MSRA: variants seen among roughly 807,000 people sequenced by gnomAD.
The protein encoded by MSRA is mitochondrial peptide methionine sulfoxide reductase.
MSRA carries 54 observed loss-of-function variants against 31.3 expected under a neutral mutation model. The ratio of observed to expected loss-of-function variants is 1.73; its 90% CI spans 1.39 to 2.17. The LOEUF is 2.17. Among genes scored for constraint, MSRA ranks in the 30% most tolerant of loss-of-function variants. The probability of loss-of-function intolerance (pLI) is 0.00; values close to 1 mark genes in which losing one functional copy is unlikely to be tolerated. For synonymous variants in MSRA, 169 were observed against 116.5 expected, an observed-to-expected ratio of 1.45 and a Z score of -2.90; for missense variants, 507 against 300.9, an observed-to-expected ratio of 1.69 and a Z score of -5.07.
At chr8:10,413,942 ATTGT>A (rs1289726611) in intron 5 of MSRA, among the ~76,000 whole-genome samples, 9 of 152,164 alleles carry the variant, frequency 5.9e-5, no homozygotes, top group Admixed American at 2.0e-4. Flanking sequence ...AGGCAGGAGG[ATTGT>A]TTGAGCCCAG....
At chr8:10,205,778 T>C (rs562716984) in intron 1 of MSRA, among the ~76,000 whole-genome samples, 1 of 152,364 alleles carries the variant, frequency 6.6e-6, no homozygotes, top group Admixed American at 6.5e-5. Flanking sequence ...ACATAAATAT[T>C]CATATTTTAA....
chr8:10,066,822 G>A (rs1321273488), intron 1 of MSRA, among the ~76,000 whole-genome samples: 1 of 151,568 alleles, frequency 6.6e-6, no homozygotes, highest in African/African-American at 2.4e-5. Flanking sequence ...GGTGTGAGCT[G>A]CTGCACCTGG....
intron 2 of MSRA, among the ~76,000 whole-genome samples, chr8:10,224,828 A>G (rs1029657999): frequency 6.6e-5 from 10 of 152,286 alleles, no homozygotes; most frequent in South Asian, 6.2e-4. Context: ...CCTAATTTCA[A>G]TCTACTCTCC....
At chr8:10,087,195 C>G (rs977477523) in intron 1 of MSRA, among the ~76,000 whole-genome samples, 5 of 152,130 alleles carry the variant, frequency 3.3e-5, no homozygotes, top group African/African-American at 1.2e-4. Flanking sequence ...CAGAGCCTTA[C>G]TAATTTCAGC....
intron 5 of MSRA, among the ~76,000 whole-genome samples, chr8:10,409,146 T>C (rs980569409): frequency 2.0e-5 from 3 of 152,256 alleles, no homozygotes; most frequent in African/African-American, 7.2e-5. Flanking sequence ...ATCTCCATAC[T>C]GTTTTCCGTA....
chr8:10,093,387 C>T (rs1452358017), intron 1 of MSRA, among the ~76,000 whole-genome samples: 2 of 152,074 alleles, frequency 1.3e-5, no homozygotes, highest in Non-Finnish European at 2.9e-5. Context: ...CAGTTAACAT[C>T]TTAATTTATA....
intron 5 of MSRA, among the ~76,000 whole-genome samples, chr8:10,335,647 C>G (rs1420420549): frequency 1.3e-5 from 2 of 152,118 alleles, no homozygotes; most frequent in Admixed American, 6.5e-5. Flanking sequence ...GCCTCGGGCT[C>G]TCTTCGGCTG....
At chr8:10,196,135 A>G (rs926875848) in intron 1 of MSRA, among the ~76,000 whole-genome samples, 7 of 152,220 alleles carry the variant, frequency 4.6e-5, no homozygotes, top group Non-Finnish European at 1.0e-4. Flanking sequence ...ACCTCCAGGC[A>G]TACGATGTGC....
At chr8:10,257,845 C>T (rs768724273) in intron 3 of MSRA, among the ~76,000 whole-genome samples, 1 of 152,210 alleles carries the variant, frequency 6.6e-6, no homozygotes, top group Non-Finnish European at 1.5e-5. Flanking sequence ...TCTGACAGGA[C>T]ATGCTTGATG....
At chr8:10,269,438 T>C (rs1798915516) in intron 3 of MSRA, among the ~76,000 whole-genome samples, 2 of 152,224 alleles carry the variant, frequency 1.3e-5, no homozygotes, top group South Asian at 4.1e-4. Context: ...GATTACTCGA[T>C]CACTTCTGTA....
At chr8:10,323,140 T>C (rs560367160) in intron 5 of MSRA, among the ~76,000 whole-genome samples, 22 of 149,188 alleles carry the variant, frequency 1.5e-4, no homozygotes, top group African/African-American at 5.4e-4. Flanking sequence ...CCCGAGGAAC[T>C]GATTCCTCCA....
intron 1 of MSRA, among the ~76,000 whole-genome samples, chr8:10,148,593 A>G (rs1803369460): frequency 6.6e-6 from 1 of 151,702 alleles, no homozygotes; most frequent in Non-Finnish European, 1.5e-5. Context: ...GTTGCAGTGA[A>G]CTGAGATCGC....
chr8:10,411,764 G>A (rs1028191130), intron 5 of MSRA, among the ~76,000 whole-genome samples: 1 of 152,220 alleles, frequency 6.6e-6, no homozygotes, highest in South Asian at 2.1e-4. Flanking sequence ...GGCGTAAGAG[G>A]ATTTTAAGAA....
In MSRA at chr8:10,337,684, C is replaced by A. The variant is rs534140804; in HGVS notation, c.543+17695C>A. The A allele has an allele frequency of 1.0e-3, 711 of 701,926 alleles. 2 individuals are homozygous for A. The highest frequency in any genetic ancestry group is 3.2e-3 in the Middle Eastern group (14 of 4,384). The allele number at this position is 701,926 out of a possible 1,614,324, so 43.5% of individuals were successfully genotyped here. A position where few individuals can be genotyped will look rare whatever the true frequency, so the allele number is the denominator to read the frequency against. On this transcript the variant is annotated intron_variant, in intron 5 of 5. Coordinates refer to ENST00000317173, the MANE Select transcript of MSRA (RefSeq NM_012331.5). ...CCGGTGAATGATTTTTCATCTTGAA[C>A]CTTATACTCCTCCTCTCTCGGCAGC... is the stretch of plus-strand genomic sequence containing the variant.
At chr8:10,103,528 G>C in intron 1 of MSRA, among the ~76,000 whole-genome samples, 1 of 152,074 alleles carries the variant, frequency 6.6e-6, no homozygotes, top group Non-Finnish European at 1.5e-5. Flanking sequence ...ATATCAAAGG[G>C]TTGTTCAGAA....
chr8:10,345,479 G>A (rs1044516238), intron 5 of MSRA, among the ~76,000 whole-genome samples: 1 of 152,052 alleles, frequency 6.6e-6, no homozygotes, highest in Non-Finnish European at 1.5e-5. Context: ...ATCACCACCT[G>A]ACTTCAGCAC....
chr8:10,357,189 C>A (rs752358670), intron 5 of MSRA, among the ~76,000 whole-genome samples: 2 of 152,210 alleles, frequency 1.3e-5, no homozygotes, highest in Non-Finnish European at 1.5e-5. Flanking sequence ...AGGCACAAAT[C>A]CATTGCTTTA....
chr8:10,201,368 T>C (rs941244574), intron 1 of MSRA, among the ~76,000 whole-genome samples: 9 of 152,142 alleles, frequency 5.9e-5, no homozygotes, highest in African/African-American at 1.7e-4. Context: ...TCCAAGACTC[T>C]TCCAGTCCTG....
chr8:10,350,552 C>A (rs899824672), intron 5 of MSRA, among the ~76,000 whole-genome samples: 1 of 152,220 alleles, frequency 6.6e-6, no homozygotes, highest in Non-Finnish European at 1.5e-5. Context: ...GGACGACCAT[C>A]GATGTCTCAC....
Sources: gnomAD v4.1 joint callset for allele counts (sites outside exome capture counted in the v4.1 genomes callset) on GRCh38, gnomAD v4.1.1 for gene constraint, MANE v1.5 for transcripts, NCBI Gene and HGNC (gene_info 2026-07-23, HGNC 2026-07-21) for gene names.